INPPL1: variants seen among roughly 807,000 people sequenced by gnomAD.
The protein encoded by INPPL1 is inositol polyphosphate phosphatase like 1.
Under a neutral mutation model 139.3 loss-of-function variants are expected in INPPL1, and 91 were observed. The observed-to-expected ratio is 0.65, with a 90% confidence interval of 0.55 to 0.78. The LOEUF (loss-of-function observed/expected upper bound fraction) is 0.78, where lower values mean the gene tolerates loss of function less well. INPPL1 is among the 30% of genes least tolerant of loss of function. The pLI, the probability that INPPL1 is intolerant of heterozygous loss-of-function variation, is 0.00. For synonymous variants in INPPL1, 719 were observed against 686.6 expected (o/e 1.05, Z -0.74); for missense variants, 1,411 against 1,665.6 (o/e 0.85, Z 2.66).
chr11:72,235,707 G>A lies in INPPL1; in HGVS notation c.2692G>A (p.Ala898Thr). The change falls in exon 24 of 28, where the codon GCA (alanine) becomes ACA (threonine). Residue 898 changes from alanine (A) to threonine (T), a missense_variant. By Grantham distance (58) the Ala-to-Thr change is moderately conservative. Transcript: ENST00000298229. The surrounding 1 kb of genome is among the most constrained non-coding windows in gnomAD (Gnocchi z 4.9). Reference sequence around the variant, plus strand: ...CAGCATTGATAAGGATGAGGCAGGAGCAAAGAGCAAAGCCCCCTCTGTGTC... The same window carrying A: ...CAGCATTGATAAGGATGAGGCAGGAACAAAGAGCAAAGCCCCCTCTGTGTC... The part of the protein sequence containing the change: ...WISIDKDEAG[A>T]KSKAPSVSRG... The A allele has an allele frequency of 6.2e-7, 1 of 1,614,076 alleles. No homozygotes were observed. Among genetic ancestry groups the A allele is most frequent in the Non-Finnish European group, 8.5e-7 (1 of 1,179,984 alleles).
intron 10 of INPPL1, 90 bp downstream of exon 10, chr11:72,230,558 A>C: frequency 1.6e-6 from 2 of 1,245,034 alleles, no homozygotes; most frequent in Admixed American, 3.6e-5. Flanking sequence ...GGAACACATG[A>C]TGTAGGCATG....
Position 72,229,961 on chromosome 11 carries a change from C to G in INPPL1, c.881C>G (p.Pro294Arg). The change falls in exon 8 of 28, where the codon CCC becomes CGC. Residue 294 changes from proline to arginine, a missense_variant. Around this residue, in one of 5 missense-constraint regions of INPPL1, gnomAD observed 504 missense variants for 595.6 expected, o/e 0.85. Coordinates refer to ENST00000298229, the MANE Select transcript of INPPL1 (RefSeq NM_001567.4). ...CTACAGGACATGAGCTCCACAGCAC[C>G]CCCAGCTCCGCAGCCATCCACACGT... ...KALQDMSSTA[P>R]PAPQPSTRKA... The G allele has an allele frequency of 1.2e-6, 2 of 1,614,194 alleles. No individual in the cohort carries two copies. Among genetic ancestry groups the G allele is most frequent in the Non-Finnish European group, 1.7e-6 (2 of 1,180,038 alleles).
chr11:72,229,542 G>C lies in INPPL1; in HGVS notation c.737G>C (p.Arg246Pro), dbSNP rs1255360958. The C allele has an allele frequency of 6.2e-7, 1 of 1,613,944 alleles. No homozygotes were observed. Among genetic ancestry groups the C allele is most frequent in the Admixed American group, 1.7e-5 (1 of 59,988 alleles). ...CAGCAGAGCTCGCCCATGGTGACCC[G>C]CCTTTTGCAGCAGCAGGTAGATTGT... ...FDQQSSPMVT[R>P]LLQQQNLPQT... The change falls in exon 6 of 28, where the codon CGC becomes CCC. Residue 246 changes from arginine to proline, a missense_variant. By Grantham distance (103) the Arg-to-Pro change is moderately radical. Coordinates refer to ENST00000298229, the MANE Select transcript of INPPL1 (RefSeq NM_001567.4).
Position 72,237,783 on chromosome 11 carries a change from A to T in INPPL1, c.3539A>T (p.Asp1180Val), listed in dbSNP as rs1227805363. 2 of 1,606,168 alleles carry T rather than the reference A, an allele frequency of 1.2e-6. No individual in the cohort carries two copies. The highest frequency in any genetic ancestry group is 1.7e-6 in the Non-Finnish European group (2 of 1,176,990). ...PPRIRESIQE[D>V]LAEEAPCLQG... ...CGCATCCGGGAGAGCATCCAGGAAG[A>T]CCTGGCAGAGGAGGTGTGTGGAGCA... is the stretch of plus-strand genomic sequence containing the variant. Residue 1180 changes from aspartate (D) to valine (V), a missense_variant, in exon 26 of 28, where the codon GAC becomes GTC. Asp to Val is a radical substitution (Grantham distance 152, BLOSUM62 -3). This residue lies in a region of INPPL1 where 438 missense variants were observed against 425.7 expected (regional missense o/e 1.03). Transcript: ENST00000298229.
rs560433544 is a variant in INPPL1 at position 72,235,042 on chromosome 11, CA to C, written c.2416-73del. The C allele has an allele frequency of 8.7e-5, 107 of 1,236,100 alleles. No homozygotes were observed. In the African/African-American group the frequency reaches 1.1e-3, roughly 13 times the overall value. The allele number at this position is 1,236,100 out of a possible 1,614,324, so 76.6% of individuals were successfully genotyped here. ...CCTGAGGGTGGGGATTGAGTGGTGT[CA>C]GGGGGCAGCGCGTAGGAGGGGCAGG... On this transcript the variant is annotated intron_variant, in intron 21 of 27. Coordinates refer to ENST00000298229, the MANE Select transcript of INPPL1 (RefSeq NM_001567.4). The surrounding 1 kb of genome is among the most constrained non-coding windows in gnomAD (Gnocchi z 4.9).
In INPPL1 at chr11:72,225,022, C is replaced by T; in HGVS notation, c.38C>T (p.Ala13Val). 8.2e-7 allele frequency: 1 copy of T among 1,220,012 alleles called. No homozygotes were observed. The highest frequency in any genetic ancestry group is 3.3e-5 in the East Asian group (1 of 30,708). The allele number at this position is 1,220,012 out of a possible 1,614,324, so 75.6% of individuals were successfully genotyped here. A position where few individuals can be genotyped will look rare whatever the true frequency, so the allele number is the denominator to read the frequency against. Residue 13 changes from alanine (A) to valine (V), a missense_variant, in exon 1 of 28, where the codon GCC becomes GTC. Ala to Val is a moderately conservative substitution (Grantham distance 64). Coordinates refer to ENST00000298229, the MANE Select transcript of INPPL1 (RefSeq NM_001567.4). ...SACGAPGPGGALGSQAPSWYH... is the reference protein window; with the variant it reads ...SACGAPGPGGVLGSQAPSWYH... The stretch of plus-strand genomic sequence containing the variant: ...TGCGGGGCGCCGGGCCCGGGGGGCG[C>T]CCTGGGCAGCCAGGCCCCCTCCTGG...
chr11:72,237,330 ACCGGCACC>A lies in INPPL1; in HGVS notation c.3088_3095del (p.Arg1030SerfsTer10). ...GTGCCTGCTCCACAGCTTGGGCACCACCGGCACCCTCGTGTGGGAGAGGGGAGTTCTTC... is the reference window on the plus strand; with the variant it reads ...GTGCCTGCTCCACAGCTTGGGCACCACTCGTGTGGGAGAGGGGAGTTCTTC... On this transcript the variant is annotated frameshift_variant, in exon 26 of 28. Transcript: ENST00000298229. LOFTEE classifies it high-confidence loss of function. 6.2e-7 allele frequency: 1 copy of A among 1,613,906 alleles called. No homozygotes were observed.
rs960842425 is a variant in INPPL1, at chr11:72,237,261, G to A, written c.3017G>A (p.Arg1006Lys). The A allele has an allele frequency of 1.9e-6, 3 of 1,613,986 alleles. No individual in the cohort carries two copies. Among genetic ancestry groups the A allele is most frequent in the Non-Finnish European group, 1.7e-6 (2 of 1,180,016 alleles). ...CCCCCGGAGCCACCCTCGCCTGCCA[G>A]GGCCCCTGTCCCATCTGCCACCAAG... is the stretch of plus-strand genomic sequence containing the variant. ...LLPPEPPSPA[R>K]APVPSATKNK... is the part of the protein sequence containing the mutation. Residue 1006 changes from arginine (R) to lysine (K), a missense_variant, in exon 26 of 28, where the codon AGG (arginine) becomes AAG (lysine). By Grantham distance (26) the Arg-to-Lys change is conservative (BLOSUM62 2). Coordinates refer to ENST00000298229, the MANE Select transcript of INPPL1 (RefSeq NM_001567.4).
In INPPL1 at chr11:72,229,894, C is replaced by T. The variant is rs756892231; in HGVS notation, c.844-30C>T. ...CCTGCCCCAGCCTTCAGTGTGTCCC[C>T]TGACCCCGCCCTGCCCTTGTTCCCT... On this transcript the variant is annotated intron_variant, in intron 7 of 27. Coordinates refer to ENST00000298229, the MANE Select transcript of INPPL1 (RefSeq NM_001567.4). 1.2e-5 allele frequency: 20 copies of T among 1,607,020 alleles called. No homozygotes were observed. The African/African-American group carries it at 2.7e-4, about 21-fold the overall frequency.
chr11:72,238,443 C>A lies in INPPL1; in HGVS notation c.*90C>A. The A allele has an allele frequency of 1.8e-6, 2 of 1,087,014 alleles. No homozygotes were observed. Among genetic ancestry groups the A allele is most frequent in the South Asian group, 1.7e-5 (1 of 58,324 alleles). The allele number at this position is 1,087,014 out of a possible 1,614,324, so 67.3% of individuals were successfully genotyped here. On this transcript the variant is annotated 3_prime_UTR_variant, in exon 28 of 28. Coordinates refer to ENST00000298229, the MANE Select transcript of INPPL1 (RefSeq NM_001567.4). ...CCCAGGGTTGAAAAGTTATGAGGGT[C>A]AGGGCAGTATCTCTCTGCCTATTTA...
At position 72,230,216 on chromosome 11, in the gene INPPL1, G is replaced by A. The variant is rs767064470; in HGVS notation, c.1035G>A (p.Leu345=). ...SVDVEGGRLV[L]LRRQRDSQED... ...ATGTGGAGGGTGGGCGGCTGGTGCT[G>A]CTGCGGAGACAGCGGGACTCCCAGG... The change falls in exon 9 of 28, where the codon CTG becomes CTA. Residue 345 remains leucine, a synonymous_variant. Transcript: ENST00000298229. 6.2e-6 allele frequency: 10 copies of A among 1,611,702 alleles called. No individual in the cohort carries two copies. The South Asian group carries it at 1.1e-4, about 18-fold the overall frequency.
chr11:72,233,725 C>G lies in INPPL1; in HGVS notation c.2193C>G (p.Ser731=). ...GGACATTTGAGGTTGGAGTTACCTC[C>G]CAGTTCATCTCCAAGAAAGGTGACT... The part of the protein sequence containing the change: ...VFGTFEVGVT[S]QFISKKGLSK... The change falls in exon 19 of 28, where the codon TCC becomes TCG. Residue 731 remains serine (S), a synonymous_variant. Transcript: ENST00000298229. 1 of 1,613,980 alleles carries G rather than the reference C, an allele frequency of 6.2e-7. No individual in the cohort carries two copies. The highest frequency in any genetic ancestry group is 8.5e-7 in the Non-Finnish European group (1 of 1,179,864).
intron 26 of INPPL1, 74 bp downstream of exon 26, chr11:72,237,870 C>T (rs1949039940): frequency 6.7e-7 from 1 of 1,498,586 alleles, no homozygotes; most frequent in Non-Finnish European, 8.9e-7. Context: ...TTCACTCCAC[C>T]ATTCAGCACT....
chr11:72,230,119 A>G lies in INPPL1; in HGVS notation c.940-2A>G, dbSNP rs1422469016. ...TCAGCAGCCTCCCCACCTGGCCTAC[A>G]GGTGAAGCTAGATGTGACCCTGGGT... is the stretch of plus-strand genomic sequence containing the variant. On this transcript the variant is annotated splice_acceptor_variant, in intron 8 of 27. Coordinates refer to ENST00000298229, the MANE Select transcript of INPPL1 (RefSeq NM_001567.4). LOFTEE classifies it high-confidence loss of function. The G allele has an allele frequency of 6.2e-7, 1 of 1,610,494 alleles. No homozygotes were observed. The highest frequency in any genetic ancestry group is 1.1e-5 in the South Asian group (1 of 90,868).
intron 16 of INPPL1, 43 bp downstream of exon 16, chr11:72,233,017 C>T (rs1591280457): frequency 6.2e-7 from 1 of 1,610,130 alleles, no homozygotes; most frequent in South Asian, 1.1e-5. Context: ...GGCTAGGAGA[C>T]TTGCAGTATC....
At position 72,238,030 on chromosome 11, in the gene INPPL1, CT is replaced by C; in HGVS notation, c.3553-11del. 6.5e-7 allele frequency: 1 copy of C among 1,531,114 alleles called. No individual in the cohort carries two copies. Among genetic ancestry groups the C allele is most frequent in the South Asian group, 1.3e-5 (1 of 77,546 alleles). The allele number at this position is 1,531,114 out of a possible 1,614,324, so 94.8% of individuals were successfully genotyped here. A position where few individuals can be genotyped will look rare whatever the true frequency, so the allele number is the denominator to read the frequency against. ...GGCACTCAGCTCCCCCTGACATGCC[CT>C]GTTTCCTTAGGCTCCGTGCCTGCAG... On this transcript the variant is annotated splice_polypyrimidine_tract_variant and intron_variant, in intron 26 of 27. Coordinates refer to ENST00000298229, the MANE Select transcript of INPPL1 (RefSeq NM_001567.4).
chr11:72,224,821 G>C lies in INPPL1; in HGVS notation c.-164G>C. The C allele has an allele frequency of 3.4e-6, 1 of 290,180 alleles. No individual in the cohort carries two copies. The highest frequency in any genetic ancestry group is 2.3e-5 in the African/African-American group (1 of 43,970). The allele number at this position is 290,180 out of a possible 1,614,324, so 18.0% of individuals were successfully genotyped here. ...AGGCAGCGGCGGCTGCGCGGTGAACGAGGCGGCCTGCGCGGCGGAGTGCTG... is the reference window on the plus strand; with the variant it reads ...AGGCAGCGGCGGCTGCGCGGTGAACCAGGCGGCCTGCGCGGCGGAGTGCTG... On this transcript the variant is annotated 5_prime_UTR_variant, in exon 1 of 28. Transcript: ENST00000298229.
rs377183327 is a variant in INPPL1, at chr11:72,233,535, C to A, written c.2122+13C>A. On this transcript the variant is annotated intron_variant, in intron 18 of 27. Transcript: ENST00000298229. ...TGCAATTCTTATGGTCAGAGCCTCC[C>A]GGACAGAGTGATGGGAGATCTGGGG... 1 of 1,612,922 alleles carries A rather than the reference C, an allele frequency of 6.2e-7. No homozygotes were observed. The highest frequency in any genetic ancestry group is 1.3e-5 in the African/African-American group (1 of 74,886).
In INPPL1 at chr11:72,231,520, A is replaced by T; in HGVS notation, c.1520A>T (p.Asn507Ile). Residue 507 changes from asparagine to isoleucine, a missense_variant, in exon 13 of 28, where the codon AAT (asparagine) becomes ATT (isoleucine). By Grantham distance (149) the Asn-to-Ile change is moderately radical (BLOSUM62 -3). Transcript: ENST00000298229. ...CAGATTGCCATGCAATCACTGTGGA[A>T]TATCAAGGTGGCAGTGCTGGTCAAG... ...YRPIAMQSLW[N>I]IKVAVLVKPE... is the part of the protein sequence containing the mutation. 6.2e-7 allele frequency: 1 copy of T among 1,613,864 alleles called. No homozygotes were observed. Among genetic ancestry groups the T allele is most frequent in the South Asian group, 1.1e-5 (1 of 91,072 alleles).
Sources: gnomAD v4.1 joint callset for allele counts on GRCh38, gnomAD v4.1.1 for gene constraint, gnomAD v4.1.1 regional missense constraint, Gnocchi (gnomAD v3.1) non-coding constraint, MANE v1.5 for transcripts, NCBI Gene and HGNC (gene_info 2026-07-23, HGNC 2026-07-21) for gene names.